CRISPLD2: variants seen among roughly 807,000 people sequenced by gnomAD.
CRISPLD2 encodes the protein cysteine rich secretory protein LCCL domain containing 2, also known as cysteine-rich secretory protein LCCL domain-containing 2.
Under a neutral mutation model 71.1 loss-of-function variants are expected in CRISPLD2, and 47 were observed. That is an observed-to-expected ratio of 0.66 (90% confidence interval 0.52 to 0.84). The LOEUF is 0.84. CRISPLD2 is among the 40% of genes least tolerant of loss of function. The pLI is 0.00. For synonymous variants in CRISPLD2, 317 were observed against 250.1 expected (o/e 1.27, Z -2.52); for missense variants, 830 against 651.1 (o/e 1.27, Z -2.99).
intron 14 of CRISPLD2, among the ~76,000 whole-genome samples, chr16:84,902,502 C>T (rs1419547423): frequency 1.3e-5 from 2 of 151,298 alleles, no homozygotes; most frequent in African/African-American, 4.9e-5. Context: ...CCCAGCTACT[C>T]GGGAGGCTGA....
chr16:84,849,200 C>T, intron 3 of CRISPLD2, 185 bp from the exon 4 acceptor site: 2 of 598,290 alleles, frequency 3.3e-6, no homozygotes, highest in Non-Finnish European at 5.9e-6. Context: ...GTGGCTGCTC[C>T]TGGAATTGGG....
intron 5 of CRISPLD2, among the ~76,000 whole-genome samples, chr16:84,852,410 G>C (rs1374496183): frequency 6.6e-6 from 1 of 152,154 alleles, no homozygotes; most frequent in African/African-American, 2.4e-5. Flanking sequence ...TGTGGTGTCT[G>C]GTGTGGGACC....
chr16:84,834,115 A>G (rs913438294), intron 1 of CRISPLD2, among the ~76,000 whole-genome samples: 6 of 152,068 alleles, frequency 3.9e-5, no homozygotes, highest in Non-Finnish European at 7.4e-5. Context: ...CTTAAATTCC[A>G]TGGACTTCAG....
rs113748901 is a variant in CRISPLD2, at chr16:84,887,546, T to C, written c.1306-1684T>C. On this transcript the variant is annotated intron_variant, in intron 13 of 14. Transcript: ENST00000262424. ...CTGGGTGAGCCTGTTGTCCAGACAC[T>C]TATGGTGTCATTCTCCTGGGGATTC... Among the ~76,000 whole-genome samples the C allele has an allele frequency of 4.6e-3, 698 of 152,320 alleles. 11 individuals carry two copies. Among genetic ancestry groups the C allele is most frequent in the African/African-American group, 0.016 (660 of 41,572 alleles).
intron 8 of CRISPLD2, among the ~76,000 whole-genome samples, chr16:84,872,157 A>T (rs1432404528): frequency 1.3e-5 from 2 of 152,170 alleles, no homozygotes; most frequent in Non-Finnish European, 2.9e-5. Flanking sequence ...TTATACGCAA[A>T]TACTAGGACA....
At chr16:84,903,725 C>T (rs796997417) in intron 14 of CRISPLD2, among the ~76,000 whole-genome samples, 1 of 152,146 alleles carries the variant, frequency 6.6e-6, no homozygotes, top group African/African-American at 2.4e-5. Context: ...AATGCCAAAG[C>T]AGGATGCATG....
At chr16:84,896,264 G>A (rs2071705254) in intron 14 of CRISPLD2, among the ~76,000 whole-genome samples, 2 of 151,898 alleles carry the variant, frequency 1.3e-5, no homozygotes, top group South Asian at 4.2e-4. Flanking sequence ...GGCCAGGCTG[G>A]TCTCGAATTC....
intron 11 of CRISPLD2, among the ~76,000 whole-genome samples, chr16:84,876,919 C>A (rs1448852482): frequency 2.6e-5 from 4 of 152,184 alleles, no homozygotes; most frequent in African/African-American, 9.7e-5. Flanking sequence ...AACAAAATGA[C>A]CTTGAAGATA....
At chr16:84,855,605 C>G (rs1293801573) in intron 6 of CRISPLD2, among the ~76,000 whole-genome samples, 2 of 152,208 alleles carry the variant, frequency 1.3e-5, no homozygotes, top group Non-Finnish European at 2.9e-5. Flanking sequence ...AAATGTTAAT[C>G]TCCTTTGGCA....
Position 84,843,908 on chromosome 16 carries a change from C to G in CRISPLD2, c.241-1878C>G, listed in dbSNP as rs532417596. ...TGGCTGTTGAGGAGTCTTGCTGGGA[C>G]ACGGGGAGAGAGGGAAGTGAGGCAT... On this transcript the variant is annotated intron_variant, in intron 2 of 14. Coordinates refer to ENST00000262424, the MANE Select transcript of CRISPLD2 (RefSeq NM_031476.4). 2.6e-5 allele frequency among the ~76,000 whole-genome samples: 4 copies of G among 152,302 alleles called. No individual in the cohort carries two copies. In the South Asian group the frequency reaches 8.3e-4, roughly 32 times the overall value.
At chr16:84,872,268 G>A (rs959141343) in intron 8 of CRISPLD2, among the ~76,000 whole-genome samples, 174 bp from the exon 9 acceptor site, 2 of 152,150 alleles carry the variant, frequency 1.3e-5, no homozygotes, top group Non-Finnish European at 2.9e-5. Flanking sequence ...TTGTGCTTGC[G>A]TGAATCAGTC....
At chr16:84,822,653 A>G (rs1480335545) in intron 1 of CRISPLD2, among the ~76,000 whole-genome samples, 4 of 152,166 alleles carry the variant, frequency 2.6e-5, no homozygotes, top group African/African-American at 7.2e-5. Flanking sequence ...AGGAAAGGAA[A>G]ATTCAATCTG....
chr16:84,840,731 G>A (rs942175755), intron 2 of CRISPLD2, among the ~76,000 whole-genome samples: 13 of 151,818 alleles, frequency 8.6e-5, no homozygotes, highest in African/African-American at 1.2e-4. Flanking sequence ...TATTAGAGAC[G>A]GGATTTCACC....
intron 7 of CRISPLD2, among the ~76,000 whole-genome samples, chr16:84,867,887 A>C (rs1917585091): frequency 6.6e-6 from 1 of 152,108 alleles, no homozygotes; most frequent in Non-Finnish European, 1.5e-5. Context: ...TCACCGCCCC[A>C]GGGTGGAGTT....
intron 3 of CRISPLD2, among the ~76,000 whole-genome samples, chr16:84,848,517 G>A (rs1217911964): frequency 6.6e-6 from 1 of 151,574 alleles, no homozygotes; most frequent in Non-Finnish European, 1.5e-5. Flanking sequence ...AGGGGGTGGT[G>A]GGCATGAAGC....
rs180782292 is a variant in CRISPLD2, at chr16:84,862,400, A to G, written c.710-4497A>G. 3.6e-3 allele frequency among the ~76,000 whole-genome samples: 546 copies of G among 152,058 alleles called. 4 individuals are homozygous for G. Among genetic ancestry groups the G allele is most frequent in the African/African-American group, 0.013 (524 of 41,482 alleles). Reference sequence around the variant, plus strand: ...TTTTTTGTAGAGACGGGATCTCACTATATTGCCCAGGCTGGTCTCAAACTC... The same window carrying G: ...TTTTTTGTAGAGACGGGATCTCACTGTATTGCCCAGGCTGGTCTCAAACTC... On this transcript the variant is annotated intron_variant, in intron 6 of 14. Coordinates refer to ENST00000262424, the MANE Select transcript of CRISPLD2 (RefSeq NM_031476.4).
At chr16:84,873,143 G>A (rs948517031) in intron 10 of CRISPLD2, 21 bp downstream of exon 10, 1 of 1,603,308 alleles carries the variant, frequency 6.2e-7, no homozygotes, top group African/African-American at 1.3e-5. Context: ...TGTGATCGGG[G>A]CTCTGTGAAA....
At position 84,852,040 on chromosome 16, in the gene CRISPLD2, T is replaced by A. The variant is rs116803393; in HGVS notation, c.608+1357T>A. ...GACCAAGGGGTGGCAGATCAAGGTG[T>A]GGCAGATCAAGGGGTGGCAGCATCG... is the stretch of plus-strand genomic sequence containing the variant. On this transcript the variant is annotated intron_variant, in intron 5 of 14. Transcript: ENST00000262424. Among the ~76,000 whole-genome samples the A allele has an allele frequency of 3.1e-3, 475 of 152,214 alleles. 1 individual carries two copies. Among genetic ancestry groups the A allele is most frequent in the African/African-American group, 0.011 (460 of 41,500 alleles).
chr16:84,838,089 C>G (rs1916670234), intron 1 of CRISPLD2, among the ~76,000 whole-genome samples: 2 of 152,232 alleles, frequency 1.3e-5, no homozygotes, highest in South Asian at 4.1e-4. Flanking sequence ...CTAATTTGTG[C>G]CTGAGATTCA....
Sources: allele counts gnomAD v4.1 joint callset (sites outside exome capture counted in the v4.1 genomes callset), GRCh38; gene constraint gnomAD v4.1.1; transcripts MANE v1.5; gene names NCBI Gene and HGNC (gene_info 2026-07-23, HGNC 2026-07-21).